SNTG1: variants seen among roughly 807,000 people sequenced by gnomAD.
The protein encoded by SNTG1 is syntrophin gamma 1.
In SNTG1, 39 loss-of-function variants were observed where a neutral mutation model predicts 74.7. The observed-to-expected ratio is 0.52, with a 90% CI of 0.40 to 0.68. SNTG1 has a LOEUF of 0.68. Among genes scored for constraint, SNTG1 ranks in the 30% least tolerant of loss-of-function variants. The pLI is 0.00. For synonymous variants in SNTG1, 254 were observed against 217.1 expected (o/e 1.17, Z -1.49); for missense variants, 685 against 609.5 (o/e 1.12, Z -1.30).
chr8:50,611,992 A>G (rs1350148918), intron 13 of SNTG1, among the ~76,000 whole-genome samples: 3 of 152,158 alleles, frequency 2.0e-5, no homozygotes. Flanking sequence ...TCCTGGGTTC[A>G]AACGGTTCAT....
chr8:50,416,213 A>G (rs891756325), intron 4 of SNTG1, among the ~76,000 whole-genome samples: 14 of 152,142 alleles, frequency 9.2e-5, no homozygotes, highest in Non-Finnish European at 1.6e-4. Flanking sequence ...CTCAGTGATA[A>G]TCTGTGGTTT....
At chr8:50,665,701 C>A (rs1487703730) in intron 15 of SNTG1, among the ~76,000 whole-genome samples, 1 of 152,060 alleles carries the variant, frequency 6.6e-6, no homozygotes, top group Non-Finnish European at 1.5e-5. Flanking sequence ...AAGCAACTTT[C>A]AAGAGCATCT....
Position 50,529,003 on chromosome 8 carries a change from T to C in SNTG1, c.467-1174T>C, listed in dbSNP as rs187540059. ...TAAGTTCTTAAGATCATTAAGTTTA[T>C]ACCTACCTTCTTTTGGTGTATGTAT... On this transcript the variant is annotated intron_variant, in intron 9 of 18. Transcript: ENST00000642720. Among the ~76,000 whole-genome samples, 10 of 151,998 alleles carry C rather than the reference T, an allele frequency of 6.6e-5. No individual in the cohort carries two copies. In the East Asian group the frequency reaches 1.4e-3, roughly 21 times the overall value.
intron 17 of SNTG1, among the ~76,000 whole-genome samples, chr8:50,713,379 T>G (rs1338685652): frequency 6.6e-6 from 1 of 152,206 alleles, no homozygotes; most frequent in Admixed American, 6.5e-5. Flanking sequence ...TTTGTTTAAG[T>G]TCCTTGTAGA....
At chr8:50,327,505 T>C (rs1248325017) in intron 2 of SNTG1, among the ~76,000 whole-genome samples, 1 of 152,188 alleles carries the variant, frequency 6.6e-6, no homozygotes, top group Admixed American at 6.6e-5. Flanking sequence ...TGTATAAACA[T>C]TGTATGTCTT....
chr8:50,049,586 C>G (rs1819394161), intron 1 of SNTG1, among the ~76,000 whole-genome samples: 1 of 151,984 alleles, frequency 6.6e-6, no homozygotes, highest in African/African-American at 2.4e-5. Context: ...CAGATAGATC[C>G]AGCAGGTAGA....
At chr8:50,571,214 A>G (rs2094547549) in intron 12 of SNTG1, among the ~76,000 whole-genome samples, 1 of 152,104 alleles carries the variant, frequency 6.6e-6, no homozygotes, top group African/African-American at 2.4e-5. Flanking sequence ...GCCACCCCAT[A>G]GCATACCAAC....
At chr8:50,661,953 T>G (rs1047830500) in intron 15 of SNTG1, among the ~76,000 whole-genome samples, 4 of 152,150 alleles carry the variant, frequency 2.6e-5, no homozygotes, top group African/African-American at 9.7e-5. Context: ...GAAAATTTCA[T>G]GTAGCATGAG....
chr8:50,473,451 T>A (rs1187882504), intron 8 of SNTG1, among the ~76,000 whole-genome samples: 1 of 152,140 alleles, frequency 6.6e-6, no homozygotes, highest in East Asian at 1.9e-4. Context: ...GAATTAGGAC[T>A]CCTGTGCACT....
At chr8:50,063,186 C>A (rs1820622295) in intron 1 of SNTG1, among the ~76,000 whole-genome samples, 1 of 152,150 alleles carries the variant, frequency 6.6e-6, no homozygotes, top group East Asian at 1.9e-4. Flanking sequence ...CTCAGATATC[C>A]AATTTTATTA....
chr8:50,501,423 G>C (rs1458224186), intron 8 of SNTG1, among the ~76,000 whole-genome samples: 1 of 125,406 alleles, frequency 8.0e-6, no homozygotes, highest in African/African-American at 3.2e-5. Flanking sequence ...ATGAGCCTGT[G>C]CGTTTTTTTT....
intron 6 of SNTG1, 86 bp from the exon 7 acceptor site, chr8:50,450,470 A>C: frequency 7.2e-7 from 1 of 1,387,012 alleles, no homozygotes; most frequent in Non-Finnish European, 1.0e-6. Flanking sequence ...TATATTTGTA[A>C]ATTTTACCTT....
At position 50,760,271 on chromosome 8, in the gene SNTG1, C is replaced by T. The variant is rs545022345; in HGVS notation, c.1395+8160C>T. ...GAGACAATGGGGTTTTCTAAATATA[C>T]AATCATGTCATCTGCAAACAGAAAT... is the stretch of plus-strand genomic sequence containing the variant. On this transcript the variant is annotated intron_variant, in intron 18 of 18. Transcript: ENST00000642720. Among the ~76,000 whole-genome samples, 11 of 152,172 alleles carry T rather than the reference C, an allele frequency of 7.2e-5. No individual in the cohort carries two copies. In the East Asian group the frequency reaches 2.1e-3, roughly 30 times the overall value.
At chr8:50,119,882 A>G (rs1325792364) in intron 1 of SNTG1, among the ~76,000 whole-genome samples, 1 of 142,344 alleles carries the variant, frequency 7.0e-6, no homozygotes, top group Non-Finnish European at 1.6e-5. Flanking sequence ...TGCAATACTC[A>G]GGATATGCAT....
intron 5 of SNTG1, among the ~76,000 whole-genome samples, chr8:50,443,179 G>A (rs939156548): frequency 2.0e-5 from 3 of 152,164 alleles, no homozygotes; most frequent in African/African-American, 4.8e-5. Context: ...GCAAGCCATC[G>A]TCTTGCCCTT....
At chr8:50,114,446 A>G (rs1465187948) in intron 1 of SNTG1, among the ~76,000 whole-genome samples, 2 of 152,180 alleles carry the variant, frequency 1.3e-5, no homozygotes, top group Non-Finnish European at 2.9e-5. Context: ...ATGCTGTACA[A>G]TATCACTTAT....
At chr8:50,021,467 T>C (rs1016906864) in intron 1 of SNTG1, among the ~76,000 whole-genome samples, 1 of 152,218 alleles carries the variant, frequency 6.6e-6, no homozygotes, top group Non-Finnish European at 1.5e-5. Context: ...TAATATTTAA[T>C]TTGATGAATT....
chr8:50,658,774 A>T, intron 15 of SNTG1, 111 bp downstream of exon 15: 2 of 678,610 alleles, frequency 2.9e-6, no homozygotes, highest in South Asian at 2.0e-5. Flanking sequence ...AAGAAGAGAC[A>T]CGATAAAGAC....
intron 17 of SNTG1, among the ~76,000 whole-genome samples, chr8:50,711,619 A>G (rs2095461849): frequency 6.6e-6 from 1 of 152,196 alleles, no homozygotes; most frequent in Non-Finnish European, 1.5e-5. Flanking sequence ...GTTTGGATAT[A>G]GAGGGATGTC....
Sources: gnomAD v4.1 joint callset for allele counts (sites outside exome capture counted in the v4.1 genomes callset) on GRCh38, gnomAD v4.1.1 for gene constraint, MANE v1.5 for transcripts, NCBI Gene and HGNC (gene_info 2026-07-23, HGNC 2026-07-21) for gene names.